HBS1L: variants seen among roughly 807,000 people sequenced by gnomAD.
HBS1L encodes HBS1 like translational GTPase.
In HBS1L, 55 loss-of-function variants were observed where a neutral mutation model predicts 88.9. That is an observed-to-expected ratio of 0.62 (90% confidence interval 0.50 to 0.77). The LOEUF (loss-of-function observed/expected upper bound fraction) is 0.77, where lower values mean the gene tolerates loss of function less well. Ranked by LOEUF, HBS1L falls within the 30% of genes least tolerant of loss-of-function variation. HBS1L has a pLI of 0.00. For synonymous variants in HBS1L, 267 were observed against 288.5 expected (o/e 0.93, Z 0.76); for missense variants, 741 against 829.3 (o/e 0.89, Z 1.31).
At chr6:135,031,858 G>A (rs1454217511) in intron 4 of HBS1L, among the ~76,000 whole-genome samples, 1 of 148,926 alleles carries the variant, frequency 6.7e-6, no homozygotes, top group African/African-American at 2.5e-5. Context: ...TTTGAGATGG[G>A]GTCTCACCAC....
chr6:134,962,919 G>A lies in HBS1L; in HGVS notation c.*2360C>T, dbSNP rs41286242. The A allele has an allele frequency of 7.9e-5, 12 of 152,212 alleles. No individual in the cohort carries two copies. The highest frequency in any genetic ancestry group is 2.1e-4 in the South Asian group (1 of 4,820). 9.4% of individuals were successfully genotyped at this position (152,212 alleles called of 1,614,324 possible). A position where few individuals can be genotyped will look rare whatever the true frequency, so the allele number is the denominator to read the frequency against. ...CAGTCTTCTTACACAGTGGATCCTC[G>A]AAATAATATCACCACTCCTTTCAAC... On this transcript the variant is annotated 3_prime_UTR_variant, in exon 18 of 18. Transcript: ENST00000367837.
At chr6:134,984,065 G>A (rs764273862) in intron 12 of HBS1L, among the ~76,000 whole-genome samples, 5 of 152,284 alleles carry the variant, frequency 3.3e-5, no homozygotes, top group South Asian at 2.1e-4. Context: ...GGAGAGCAGC[G>A]TAGGCGGAAG....
At chr6:135,039,163 A>G (rs1313145333) in intron 4 of HBS1L, among the ~76,000 whole-genome samples, 1 of 149,466 alleles carries the variant, frequency 6.7e-6, no homozygotes, top group Admixed American at 6.7e-5. Flanking sequence ...AAATACAAAC[A>G]AAAAAAAAAG....
chr6:135,013,096 G>A (rs1005141683), intron 4 of HBS1L, among the ~76,000 whole-genome samples: 2 of 152,206 alleles, frequency 1.3e-5, no homozygotes, highest in African/African-American at 4.8e-5. Context: ...ACCTGAGTTT[G>A]AAGCCAGGCC....
At chr6:135,006,053 G>A (rs577229097) in intron 4 of HBS1L, among the ~76,000 whole-genome samples, 21 of 152,140 alleles carry the variant, frequency 1.4e-4, no homozygotes, top group Non-Finnish European at 2.9e-4. Context: ...ATCTGCCTTT[G>A]TGTGACTTTT....
chr6:135,035,027 G>C lies in HBS1L; in HGVS notation c.430+4546C>G, dbSNP rs559660337. On this transcript the variant is annotated intron_variant, in intron 4 of 17. Transcript: ENST00000367837. ...TGCTAGTTGAGAACCACTGCTTTAA[G>C]GGATGAATTACATAATTATTCTACT... is the stretch of plus-strand genomic sequence containing the variant. 3.5e-3 allele frequency among the ~76,000 whole-genome samples: 532 copies of C among 150,880 alleles called. 1 individual carries two copies. Among genetic ancestry groups the C allele is most frequent in the Middle Eastern group, 0.024 (7 of 294 alleles).
intron 4 of HBS1L, among the ~76,000 whole-genome samples, chr6:135,031,108 T>C (rs1343077957): frequency 6.6e-6 from 1 of 152,124 alleles, no homozygotes; most frequent in Non-Finnish European, 1.5e-5. Flanking sequence ...CTTAGTATTC[T>C]AAACACAAGA....
intron 16 of HBS1L, among the ~76,000 whole-genome samples, chr6:134,968,810 T>C (rs1774395537): frequency 6.6e-6 from 1 of 150,498 alleles, no homozygotes; most frequent in Non-Finnish European, 1.5e-5. Context: ...ACAGAGTGTA[T>C]AGATTATTTT....
chr6:134,980,516 C>G (rs1264938239), intron 13 of HBS1L, among the ~76,000 whole-genome samples: 2 of 151,806 alleles, frequency 1.3e-5, no homozygotes, highest in African/African-American at 2.4e-5. Flanking sequence ...AAAACAGAAG[C>G]TAGGTATTTA....
chr6:135,002,183 A>C (rs1385603379), intron 5 of HBS1L, among the ~76,000 whole-genome samples: 2 of 152,138 alleles, frequency 1.3e-5, no homozygotes, highest in Non-Finnish European at 2.9e-5. Context: ...AAGAACAAAC[A>C]AGTGCTACCA....
At chr6:134,991,489 T>C (rs1162888002) in intron 8 of HBS1L, among the ~76,000 whole-genome samples, 1 of 152,222 alleles carries the variant, frequency 6.6e-6, no homozygotes, top group African/African-American at 2.4e-5. Flanking sequence ...AATGACTGTA[T>C]ACTAATTTAA....
chr6:134,982,375 T>G (rs1207467916), intron 13 of HBS1L, 83 bp downstream of exon 13: 2 of 763,568 alleles, frequency 2.6e-6, no homozygotes, highest in Admixed American at 3.9e-5. Context: ...TTACTTACTT[T>G]GGAGTTGTAA....
intron 2 of HBS1L, among the ~76,000 whole-genome samples, chr6:135,048,049 T>A (rs1776965495): frequency 1.3e-5 from 2 of 152,238 alleles, no homozygotes; most frequent in South Asian, 4.1e-4. Context: ...TACCATCCTT[T>A]ACTCAGCTTT....
chr6:134,989,017 A>C (rs780678912), intron 8 of HBS1L, among the ~76,000 whole-genome samples: 3 of 152,206 alleles, frequency 2.0e-5, no homozygotes, highest in Non-Finnish European at 4.4e-5. Flanking sequence ...CATTCCTTTC[A>C]GACTCAAATT....
chr6:135,005,205 G>A (rs897539195), intron 4 of HBS1L, among the ~76,000 whole-genome samples: 2 of 152,196 alleles, frequency 1.3e-5, no homozygotes, highest in Non-Finnish European at 2.9e-5. Context: ...AATGTAAGGT[G>A]AGAAATGAAG....
At chr6:134,985,444 T>A (rs745424726) in intron 11 of HBS1L, 35 bp from the exon 12 acceptor site, 1 of 1,403,482 alleles carries the variant, frequency 7.1e-7, no homozygotes, top group Non-Finnish European at 9.9e-7. Context: ...CAAGGTTTAA[T>A]TTAAAATTAA....
At chr6:134,982,734 CTT>C (rs374957264) in intron 12 of HBS1L, 172 bp from the exon 13 acceptor site, 72 of 328,998 alleles carry the variant, frequency 2.2e-4, no homozygotes, top group Middle Eastern at 7.1e-4. Flanking sequence ...CCACACTTTA[CTT>C]TTTTTTTTTG....
chr6:135,053,167 G>A lies in HBS1L; in HGVS notation c.43+1482C>T, dbSNP rs1777140481. Among the ~76,000 whole-genome samples, 4 of 152,106 alleles carry A rather than the reference G, an allele frequency of 2.6e-5. No individual in the cohort carries two copies. In the South Asian group the frequency reaches 8.3e-4, roughly 32 times the overall value. On this transcript the variant is annotated intron_variant, in intron 1 of 17. Transcript: ENST00000367837. ...CTGAGGCCAACCACCTCTCCTCCAT[G>A]AAGCATTCCTTAACGTAGAAATCCT...
At chr6:134,995,760 C>T (rs1775271622) in intron 7 of HBS1L, among the ~76,000 whole-genome samples, 1 of 151,938 alleles carries the variant, frequency 6.6e-6, no homozygotes, top group Admixed American at 6.6e-5. Flanking sequence ...CCAAAATTGG[C>T]AACTGTCCAG....
Sources: gnomAD v4.1 joint callset for allele counts (sites outside exome capture counted in the v4.1 genomes callset) on GRCh38, gnomAD v4.1.1 for gene constraint, MANE v1.5 for transcripts, NCBI Gene and HGNC (gene_info 2026-07-23, HGNC 2026-07-21) for gene names.